Variants in NRXN1 observed in about 807,000 individuals in gnomAD.
NRXN1 encodes the protein neurexin 1, also known as neurexin-1.
NRXN1 carries 39 observed loss-of-function variants against 150.9 expected under a neutral mutation model. The ratio of observed to expected loss-of-function variants is 0.26; its 90% CI spans 0.20 to 0.34. NRXN1 has a LOEUF of 0.34. Among genes scored for constraint, NRXN1 ranks in the 10% least tolerant of loss-of-function variants. The pLI, the probability that NRXN1 is intolerant of heterozygous loss-of-function variation, is 1.00. For missense variants in NRXN1, 1,815 were observed against 1,949.9 expected (o/e 0.93, Z 1.30); for synonymous variants, 924 against 757.0 (o/e 1.22, Z -3.62).
intron 9 of NRXN1, among the ~76,000 whole-genome samples, chr2:50,540,036 A>G (rs949520219): frequency 6.6e-6 from 1 of 152,176 alleles, no homozygotes; most frequent in African/African-American, 2.4e-5. Context: ...CCTTCAATCT[A>G]GGCAGTCTAA....
chr2:50,148,044 G>T (rs879448127), intron 18 of NRXN1, among the ~76,000 whole-genome samples: 1 of 151,680 alleles, frequency 6.6e-6, no homozygotes, highest in East Asian at 1.9e-4. Context: ...GGAGAATGGT[G>T]CTTGCTGACT....
intron 18 of NRXN1, among the ~76,000 whole-genome samples, chr2:50,112,728 A>C (rs910025716): frequency 2.0e-5 from 3 of 152,162 alleles, no homozygotes; most frequent in Non-Finnish European, 4.4e-5. Context: ...TGTTTCCTTT[A>C]CTAAAATGCA....
chr2:50,781,117 C>T (rs760773104), intron 5 of NRXN1, among the ~76,000 whole-genome samples: 5 of 152,140 alleles, frequency 3.3e-5, no homozygotes, highest in Non-Finnish European at 7.4e-5. Flanking sequence ...TGTGCTGGTT[C>T]CATAAACCTC....
At chr2:49,969,028 A>T (rs1403838228) in intron 21 of NRXN1, among the ~76,000 whole-genome samples, 1 of 152,102 alleles carries the variant, frequency 6.6e-6, no homozygotes, top group Non-Finnish European at 1.5e-5. Flanking sequence ...AATTACTTAT[A>T]TATTTTAATT....
chr2:49,930,369 C>A (rs1276332586), intron 22 of NRXN1, among the ~76,000 whole-genome samples: 1 of 152,006 alleles, frequency 6.6e-6, no homozygotes, highest in Non-Finnish European at 1.5e-5. Context: ...GAGTAAATAC[C>A]TCTAAAATAC....
intron 21 of NRXN1, among the ~76,000 whole-genome samples, chr2:50,047,710 G>GTT (rs5831071): frequency 0.038 from 5,767 of 150,214 alleles, 357 homozygotes; most frequent in African/African-American, 0.13. Flanking sequence ...TCCTTCCTCT[G>GTT]TTTTTTTTTC....
At chr2:49,943,898 T>C (rs1672444200) in intron 21 of NRXN1, 107 bp from the exon 22 acceptor site, 1 of 810,926 alleles carries the variant, frequency 1.2e-6, no homozygotes, top group Non-Finnish European at 2.1e-6. Flanking sequence ...AGAAACCAAA[T>C]TCACTATTTC....
chr2:50,424,272 G>T (rs2084283234), intron 17 of NRXN1, among the ~76,000 whole-genome samples: 1 of 96,968 alleles, frequency 1.0e-5, no homozygotes, highest in Non-Finnish European at 1.9e-5. Context: ...GGAGGACAGG[G>T]GAAGGGGAGG....
intron 5 of NRXN1, among the ~76,000 whole-genome samples, chr2:50,737,963 G>A (rs1164500911): frequency 6.6e-6 from 1 of 151,728 alleles, no homozygotes; most frequent in African/African-American, 2.4e-5. Flanking sequence ...ACCAATCAAA[G>A]ACACAAAGGT....
chr2:50,895,366 C>T (rs942570576), intron 5 of NRXN1, among the ~76,000 whole-genome samples: 6 of 151,970 alleles, frequency 3.9e-5, no homozygotes, highest in African/African-American at 1.4e-4. Context: ...TATTTTTCCC[C>T]TTACAGCAAA....
chr2:50,012,312 T>C (rs899114108), intron 21 of NRXN1, among the ~76,000 whole-genome samples: 2 of 152,134 alleles, frequency 1.3e-5, no homozygotes, highest in African/African-American at 2.4e-5. Flanking sequence ...CATTTACAAC[T>C]TGTATGTCTT....
intron 2 of NRXN1, among the ~76,000 whole-genome samples, chr2:51,008,332 C>T (rs1384046978): frequency 6.6e-6 from 1 of 151,872 alleles, no homozygotes; most frequent in Non-Finnish European, 1.5e-5. Flanking sequence ...CTGAGCTATT[C>T]TGAAGCTGTG....
intron 13 of NRXN1, 118 bp downstream of exon 13, chr2:50,506,377 A>C: frequency 1.2e-6 from 1 of 836,426 alleles, no homozygotes; most frequent in Non-Finnish European, 1.7e-6. Context: ...ATAGAATAAA[A>C]ATGGATTGTG....
intron 2 of NRXN1, among the ~76,000 whole-genome samples, chr2:50,952,994 G>A (rs760002958): frequency 7.9e-5 from 12 of 152,130 alleles, no homozygotes; most frequent in Admixed American, 2.0e-4. Context: ...AATCCATAAT[G>A]ATCAATATAT....
At chr2:50,611,854 T>C (rs1029364365) in intron 8 of NRXN1, among the ~76,000 whole-genome samples, 18 of 152,120 alleles carry the variant, frequency 1.2e-4, no homozygotes, top group African/African-American at 4.3e-4. Context: ...AAGATTCCAC[T>C]GAAAGCTCAT....
intron 17 of NRXN1, among the ~76,000 whole-genome samples, chr2:50,355,458 G>C (rs1253732715): frequency 6.6e-6 from 1 of 151,834 alleles, no homozygotes; most frequent in Non-Finnish European, 1.5e-5. Flanking sequence ...CATGCCTCTT[G>C]TTTTACCTCC....
chr2:50,898,189 T>C (rs1682319189), intron 5 of NRXN1, among the ~76,000 whole-genome samples: 1 of 152,160 alleles, frequency 6.6e-6, no homozygotes. Context: ...TGTTTCTTTG[T>C]TTCTATATGA....
At chr2:50,575,257 G>C (rs763108391) in intron 8 of NRXN1, among the ~76,000 whole-genome samples, 4 of 152,150 alleles carry the variant, frequency 2.6e-5, no homozygotes, top group Non-Finnish European at 5.9e-5. Context: ...CAGTAATTGA[G>C]CTTCACCTAA....
chr2:50,179,544 A>C (rs1448241397), intron 18 of NRXN1, among the ~76,000 whole-genome samples: 2 of 152,134 alleles, frequency 1.3e-5, no homozygotes, highest in East Asian at 3.9e-4. Flanking sequence ...ATTTTCTGAA[A>C]ATGATATTGA....
Sources: gnomAD v4.1 joint callset for allele counts (sites outside exome capture counted in the v4.1 genomes callset) on GRCh38, gnomAD v4.1.1 for gene constraint, MANE v1.5 for transcripts, NCBI Gene and HGNC (gene_info 2026-07-23, HGNC 2026-07-21) for gene names.